KRT79: variants seen among roughly 807,000 people sequenced by gnomAD.
KRT79 encodes keratin 79, also known as keratin, type II cytoskeletal 79.
A neutral mutation model predicts 49.0 loss-of-function variants in KRT79; 51 were observed. That is an observed-to-expected ratio of 1.04 (90% CI 0.83 to 1.31). The LOEUF (loss-of-function observed/expected upper bound fraction) is 1.31, where lower values mean the gene tolerates loss of function less well. KRT79 is among the 40% of genes most tolerant of loss of function. The probability of loss-of-function intolerance (pLI) is 0.00; values close to 1 mark genes in which losing one functional copy is unlikely to be tolerated. For synonymous variants in KRT79, 312 were observed against 286.6 expected (o/e 1.09, Z -0.90); for missense variants, 728 against 688.0 (o/e 1.06, Z -0.65).
rs1940090922 is a variant in KRT79 at position 52,821,782 on chromosome 12, C to T, written c.*90G>A. 4 of 1,205,746 alleles carry T rather than the reference C, an allele frequency of 3.3e-6. No homozygotes were observed. The highest frequency in any genetic ancestry group is 2.4e-6 in the Non-Finnish European group (2 of 837,232). The allele number at this position is 1,205,746 out of a possible 1,614,324, so 74.7% of individuals were successfully genotyped here. A position where few individuals can be genotyped will look rare whatever the true frequency, so the allele number is the denominator to read the frequency against. On this transcript the variant is annotated 3_prime_UTR_variant, in exon 9 of 9. Coordinates refer to ENST00000330553, the MANE Select transcript of KRT79 (RefSeq NM_175834.3). ...CTGGGTCTGAGGTCCCCTGGCTGTT[C>T]CTGCTCCTGAGAAGTGACTGGAAAG...
At position 52,822,365 on chromosome 12, in the gene KRT79, C is replaced by T. The variant is rs768484941; in HGVS notation, c.1382G>A (p.Cys461Tyr). Residue 461 changes from cysteine to tyrosine, a missense_variant, in exon 8 of 9, where the codon TGT becomes TAT. Cys to Tyr is a radical substitution (Grantham distance 194, BLOSUM62 -2). Coordinates refer to ENST00000330553, the MANE Select transcript of KRT79 (RefSeq NM_175834.3). ...ESEESRMSGE[C>Y]PSAVSISVTG... is the part of the protein sequence containing the mutation. ...CTCACAAATGCTGACTGCACTGGGA[C>T]ATTCTCCAGACATCCTAGGGGACAC... The T allele has an allele frequency of 1.9e-6, 3 of 1,602,076 alleles. No individual in the cohort carries two copies. The South Asian group carries it at 3.4e-5, about 18-fold the overall frequency.
Position 52,834,275 on chromosome 12 carries a change from C to G in KRT79, c.-15G>C, listed in dbSNP as rs370509343. ...GAGGACCTCATAGCTGCAGAGGGGC[C>G]GGAGGGCAGGATGAGAGGGCAGGAA... is the stretch of plus-strand genomic sequence containing the variant. On this transcript the variant is annotated 5_prime_UTR_variant, in exon 1 of 9. Coordinates refer to ENST00000330553, the MANE Select transcript of KRT79 (RefSeq NM_175834.3). The G allele has an allele frequency of 3.1e-6, 5 of 1,601,738 alleles. No individual in the cohort carries two copies. The highest frequency in any genetic ancestry group is 4.3e-6 in the Non-Finnish European group (5 of 1,170,570).
chr12:52,828,534 C>T (rs753042764), intron 4 of KRT79, among the ~76,000 whole-genome samples: 7 of 152,142 alleles, frequency 4.6e-5, no homozygotes, highest in Non-Finnish European at 7.3e-5. Flanking sequence ...TTACTAAGAG[C>T]CCACATAGCT....
chr12:52,831,290 C>G (rs1339616265), intron 2 of KRT79, 116 bp downstream of exon 2: 1 of 910,332 alleles, frequency 1.1e-6, no homozygotes. Flanking sequence ...GGAGCCAGCT[C>G]TGTCTGTGCA....
Position 52,821,613 on chromosome 12 carries a change from C to CGCAGTATCATCAA in KRT79, c.*258_*259insTTGATGATACTGC. 1 of 494,336 alleles carries CGCAGTATCATCAA rather than the reference C, an allele frequency of 2.0e-6. No homozygotes were observed. The highest frequency in any genetic ancestry group is 3.6e-6 in the Non-Finnish European group (1 of 276,416). 30.6% of individuals were successfully genotyped at this position (494,336 alleles called of 1,614,324 possible). A position where few individuals can be genotyped will look rare whatever the true frequency, so the allele number is the denominator to read the frequency against. On this transcript the variant is annotated 3_prime_UTR_variant, in exon 9 of 9. Transcript: ENST00000330553. ...AGAAATTCAGCCTCCTCTCGGTGGT[C>CGCAGTATCATCAA]AAAAGGTCACCCCCAAGTCACCCAA...
At chr12:52,833,128 A>G (rs981655161) in intron 1 of KRT79, among the ~76,000 whole-genome samples, 1 of 152,182 alleles carries the variant, frequency 6.6e-6, no homozygotes, top group Non-Finnish European at 1.5e-5. Context: ...GGGCATGCCT[A>G]TGGGCAACAG....
intron 1 of KRT79, among the ~76,000 whole-genome samples, chr12:52,833,131 G>A (rs1182059409): frequency 6.6e-6 from 1 of 152,148 alleles, no homozygotes; most frequent in Non-Finnish European, 1.5e-5. Flanking sequence ...CATGCCTATG[G>A]GCAACAGGTC....
intron 1 of KRT79, among the ~76,000 whole-genome samples, chr12:52,832,350 T>C (rs1206962549): frequency 6.6e-6 from 1 of 151,836 alleles, no homozygotes; most frequent in African/African-American, 2.4e-5. Flanking sequence ...TCTTGCAACT[T>C]TTCTGTAAAT....
chr12:52,822,985 GCTTT>G (rs1337980718), intron 7 of KRT79, 27 bp downstream of exon 7: 5 of 1,604,562 alleles, frequency 3.1e-6, no homozygotes, highest in Non-Finnish European at 4.2e-6. Context: ...GCCCGACCCA[GCTTT>G]CTGGGTCGGG....
At chr12:52,822,272 C>T (rs1940102527) in intron 8 of KRT79, 73 bp downstream of exon 8, 1 of 1,486,572 alleles carries the variant, frequency 6.7e-7, no homozygotes, top group Admixed American at 1.8e-5. Flanking sequence ...AGGACAGGTA[C>T]AGGTTGCATA....
intron 4 of KRT79, among the ~76,000 whole-genome samples, chr12:52,828,292 G>A (rs996890183): frequency 4.6e-5 from 7 of 152,182 alleles, no homozygotes; most frequent in African/African-American, 1.7e-4. Flanking sequence ...CTGTTAAGGG[G>A]ATTTTAAAGT....
At chr12:52,823,342 C>T in intron 6 of KRT79, 106 bp from the exon 7 acceptor site, 4 of 881,292 alleles carry the variant, frequency 4.5e-6, no homozygotes, top group Non-Finnish European at 7.3e-6. Context: ...CTGCCCCCAA[C>T]CAGCTGGGAA....
chr12:52,831,004 A>G (rs1940245344), intron 2 of KRT79, among the ~76,000 whole-genome samples: 1 of 152,222 alleles, frequency 6.6e-6, no homozygotes, highest in Non-Finnish European at 1.5e-5. Flanking sequence ...TTAGTGAATG[A>G]AATGACAAGA....
intron 4 of KRT79, among the ~76,000 whole-genome samples, chr12:52,826,083 G>A (rs966253979): frequency 3.3e-5 from 5 of 151,808 alleles, no homozygotes; most frequent in Non-Finnish European, 5.9e-5. Flanking sequence ...TCATCTTGAC[G>A]CATCCTGCCC....
At position 52,831,499 on chromosome 12, in the gene KRT79, A is replaced by G. The variant is rs2121288892; in HGVS notation, c.605T>C (p.Met202Thr). 5 of 1,614,216 alleles carry G rather than the reference A, an allele frequency of 3.1e-6. No individual in the cohort carries two copies. Among genetic ancestry groups the G allele is most frequent in the Admixed American group, 1.7e-5 (1 of 60,028 alleles). Reference sequence around the variant, plus strand: ...CTGAAGTCTGTCCAGCGTGCTCCGCATGCTACCCAGGTAGGCCTCAAAGAG... The same window carrying G: ...CTGAAGTCTGTCCAGCGTGCTCCGCGTGCTACCCAGGTAGGCCTCAAAGAG... ...EPLFEAYLGS[M>T]RSTLDRLQSE... The change falls in exon 2 of 9, where the codon ATG (methionine) becomes ACG (threonine). Residue 202 changes from methionine (M) to threonine (T), a missense_variant. Coordinates refer to ENST00000330553, the MANE Select transcript of KRT79 (RefSeq NM_175834.3).
intron 6 of KRT79, among the ~76,000 whole-genome samples, chr12:52,823,453 C>T (rs1158999898): frequency 6.6e-6 from 1 of 152,232 alleles, no homozygotes; most frequent in Non-Finnish European, 1.5e-5. Context: ...TCAACCCCTC[C>T]TGCTGCAGAT....
Position 52,824,179 on chromosome 12 carries a change from A to C in KRT79, c.1020+19T>G. On this transcript the variant is annotated intron_variant, in intron 5 of 8. Transcript: ENST00000330553. ...GATCCGACCCCAGGCCTCACACCTG[A>C]GCCAGCTATGCCTCTCACCTTGGTC... The C allele has an allele frequency of 6.2e-7, 1 of 1,614,102 alleles. No homozygotes were observed. The highest frequency in any genetic ancestry group is 8.5e-7 in the Non-Finnish European group (1 of 1,180,012).
chr12:52,821,646 A>T lies in KRT79; in HGVS notation c.*226T>A. ...CACCCCCAAGTCACCCAAGCACATCACTCAAGCTGGCAACTTTAACCTTCC... is the reference window on the plus strand; with the variant it reads ...CACCCCCAAGTCACCCAAGCACATCTCTCAAGCTGGCAACTTTAACCTTCC... On this transcript the variant is annotated 3_prime_UTR_variant, in exon 9 of 9. Transcript: ENST00000330553. The T allele has an allele frequency of 3.9e-5, 21 of 537,448 alleles. No individual in the cohort carries two copies. Among genetic ancestry groups the T allele is most frequent in the Middle Eastern group, 5.1e-4 (1 of 1,966 alleles). The allele number at this position is 537,448 out of a possible 1,614,324, so 33.3% of individuals were successfully genotyped here. A position where few individuals can be genotyped will look rare whatever the true frequency, so the allele number is the denominator to read the frequency against.
At chr12:52,827,055 C>G (rs1196624566) in intron 4 of KRT79, among the ~76,000 whole-genome samples, 2 of 152,204 alleles carry the variant, frequency 1.3e-5, no homozygotes, top group African/African-American at 2.4e-5. Flanking sequence ...CACTCACCAC[C>G]CACTGGTCCC....
Sources: allele counts gnomAD v4.1 joint callset (sites outside exome capture counted in the v4.1 genomes callset), GRCh38; gene constraint gnomAD v4.1.1; transcripts MANE v1.5; gene names NCBI Gene and HGNC (gene_info 2026-07-23, HGNC 2026-07-21).